The following ARL15 variants were observed in gnomAD, a reference collection of about 807,000 sequenced individuals.
ARL15 encodes ADP-ribosylation factor-like protein 15.
In ARL15, 19 loss-of-function variants were observed where a neutral mutation model predicts 25.2. The ratio of observed to expected loss-of-function variants is 0.75; its 90% CI spans 0.53 to 1.10. The LOEUF is 1.10. Among genes scored for constraint, ARL15 ranks in the 50% least tolerant of loss-of-function variants. The probability of loss-of-function intolerance (pLI) is 0.00; values close to 1 mark genes in which losing one functional copy is unlikely to be tolerated. For synonymous variants in ARL15, 94 were observed against 86.8 expected, an observed-to-expected ratio of 1.08 and a Z score of -0.46; for missense variants, 220 against 246.0, an observed-to-expected ratio of 0.89 and a Z score of 0.71.
chr5:54,200,941 A>G (rs1290300714), intron 1 of ARL15, among the ~76,000 whole-genome samples: 1 of 152,156 alleles, frequency 6.6e-6, no homozygotes, highest in African/African-American at 2.4e-5. Flanking sequence ...TTCTCAACTA[A>G]TCGGATTTAC....
chr5:54,239,397 T>G (rs1199896424), intron 1 of ARL15, among the ~76,000 whole-genome samples: 1 of 152,208 alleles, frequency 6.6e-6, no homozygotes, highest in Non-Finnish European at 1.5e-5. Context: ...GTAGCTAAGA[T>G]GATACACTTA....
intron 1 of ARL15, among the ~76,000 whole-genome samples, chr5:54,260,660 C>T (rs1035329316): frequency 2.6e-5 from 4 of 152,144 alleles, no homozygotes; most frequent in Non-Finnish European, 5.9e-5. Context: ...TTATATAATG[C>T]ATATTTTTCC....
Position 54,014,061 on chromosome 5 carries a change from AC to A in ARL15, c.462+99140del, listed in dbSNP as rs1749330309. Among the ~76,000 whole-genome samples, 3 of 152,294 alleles carry A rather than the reference AC, an allele frequency of 2.0e-5. No individual in the cohort carries two copies. In the South Asian group the frequency reaches 6.2e-4, roughly 32 times the overall value. On this transcript the variant is annotated intron_variant, in intron 4 of 4. Coordinates refer to ENST00000504924, the MANE Select transcript of ARL15 (RefSeq NM_019087.3). Reference sequence around the variant, plus strand: ...AATCTGAAATATTTCAAAATCTGAAACTTTTTGAGTGCTGACATGACACTCA... The same window carrying A: ...AATCTGAAATATTTCAAAATCTGAAATTTTTGAGTGCTGACATGACACTCA...
chr5:53,887,934 CATATAAGCCAGAAGACATAT>C lies in ARL15; in HGVS notation c.463-1241_463-1222del, dbSNP rs1310131445. The stretch of plus-strand genomic sequence containing the variant: ...GTATTAATATGTTTGTACATTTTTT[CATATAAGCCAGAAGACATAT>C]ATATCTATATATAAGAAATACTAAG... On this transcript the variant is annotated intron_variant, in intron 4 of 4. Transcript: ENST00000504924. Among the ~76,000 whole-genome samples the C allele has an allele frequency of 2.0e-3, 308 of 152,158 alleles. 2 individuals are homozygous for C. The highest frequency in any genetic ancestry group is 7.2e-3 in the African/African-American group (299 of 41,536).
intron 4 of ARL15, among the ~76,000 whole-genome samples, chr5:53,979,851 G>C (rs986086608): frequency 1.2e-4 from 15 of 127,818 alleles, no homozygotes; most frequent in African/African-American, 4.9e-4. Context: ...GTGTGTGTGT[G>C]TGTGTGTGTG....
chr5:54,158,657 G>A (rs373585523), intron 2 of ARL15, among the ~76,000 whole-genome samples: 4 of 152,104 alleles, frequency 2.6e-5, no homozygotes, highest in African/African-American at 7.2e-5. Flanking sequence ...GGTGGATCAC[G>A]AGGTCAGGAG....
chr5:54,030,710 C>A (rs1749953176), intron 4 of ARL15, among the ~76,000 whole-genome samples: 1 of 152,128 alleles, frequency 6.6e-6, no homozygotes, highest in African/African-American at 2.4e-5. Flanking sequence ...ATTACATAAA[C>A]TCTTGAGTTG....
At chr5:53,999,290 T>C (rs1167665190) in intron 4 of ARL15, among the ~76,000 whole-genome samples, 2 of 152,094 alleles carry the variant, frequency 1.3e-5, no homozygotes, top group Admixed American at 1.3e-4. Context: ...AAAAGAAATG[T>C]TCAAAAATAA....
Position 53,993,248 on chromosome 5 carries a change from T to C in ARL15, c.463-106535A>G, listed in dbSNP as rs144584172. ...CTTGGAACCAAACTGTTAACTCTCT[T>C]CTTTCCTTTGAGCATAGCCTATTTA... is the stretch of plus-strand genomic sequence containing the variant. On this transcript the variant is annotated intron_variant, in intron 4 of 4. Transcript: ENST00000504924. 1.1e-3 allele frequency among the ~76,000 whole-genome samples: 168 copies of C among 152,268 alleles called. 1 individual carries two copies. The highest frequency in any genetic ancestry group is 3.8e-3 in the African/African-American group (157 of 41,574).
intron 4 of ARL15, among the ~76,000 whole-genome samples, chr5:54,017,800 CTCCCT>C (rs957172343): frequency 1.3e-5 from 2 of 152,004 alleles, no homozygotes; most frequent in Non-Finnish European, 2.9e-5. Context: ...CTTGTTCTTG[CTCCCT>C]TCCCCAGAAC....
At chr5:54,228,904 A>G (rs186748344) in intron 1 of ARL15, among the ~76,000 whole-genome samples, 13 of 152,342 alleles carry the variant, frequency 8.5e-5, no homozygotes, top group African/African-American at 2.6e-4. Context: ...AGCACCAAAC[A>G]TAGCATCCCT....
intron 3 of ARL15, among the ~76,000 whole-genome samples, chr5:54,136,207 T>A (rs990063977): frequency 3.9e-5 from 6 of 152,176 alleles, no homozygotes; most frequent in African/African-American, 9.7e-5. Context: ...GCAAAAAAAA[T>A]TTTAAAAATG....
At chr5:54,068,963 T>C (rs1261798524) in intron 4 of ARL15, among the ~76,000 whole-genome samples, 3 of 152,222 alleles carry the variant, frequency 2.0e-5, no homozygotes, top group South Asian at 2.1e-4. Context: ...CCTAATACGA[T>C]ACACATGCTT....
At chr5:53,976,581 C>A (rs896339479) in intron 4 of ARL15, among the ~76,000 whole-genome samples, 1 of 152,202 alleles carries the variant, frequency 6.6e-6, no homozygotes, top group Non-Finnish European at 1.5e-5. Context: ...TGGCAAGCAG[C>A]CCCAAACCGT....
At position 53,918,299 on chromosome 5, in the gene ARL15, C is replaced by T. The variant is rs374770586; in HGVS notation, c.463-31586G>A. ...ATCCTGCGCTGAAGCAATACTCCTG[C>T]CCCAGCCTCCTGAGTAGCTGGGACA... is the stretch of plus-strand genomic sequence containing the variant. On this transcript the variant is annotated intron_variant, in intron 4 of 4. Coordinates refer to ENST00000504924, the MANE Select transcript of ARL15 (RefSeq NM_019087.3). Among the ~76,000 whole-genome samples the T allele has an allele frequency of 2.2e-4, 34 of 152,244 alleles. 1 individual carries two copies. The South Asian group carries it at 5.8e-3, about 26-fold the overall frequency.
intron 4 of ARL15, among the ~76,000 whole-genome samples, chr5:54,111,208 T>C (rs565304091): frequency 2.0e-5 from 3 of 152,128 alleles, no homozygotes; most frequent in South Asian, 4.1e-4. Context: ...AGCAAAAGTT[T>C]TGAGAAAAGT....
chr5:54,080,972 A>G (rs1751779839), intron 4 of ARL15, among the ~76,000 whole-genome samples: 1 of 152,130 alleles, frequency 6.6e-6, no homozygotes, highest in African/African-American at 2.4e-5. Context: ...CGTAGGGAAA[A>G]AGAGAGCTCT....
At chr5:54,186,663 T>C (rs1716609076) in intron 1 of ARL15, among the ~76,000 whole-genome samples, 1 of 152,224 alleles carries the variant, frequency 6.6e-6, no homozygotes, top group Admixed American at 6.5e-5. Context: ...ACTTAATTTA[T>C]ATTACTAATC....
At chr5:54,199,114 A>G (rs917963126) in intron 1 of ARL15, among the ~76,000 whole-genome samples, 3 of 152,180 alleles carry the variant, frequency 2.0e-5, no homozygotes, top group Admixed American at 6.5e-5. Context: ...CTGAAACTGG[A>G]TCCCTTCCTT....
Sources: gnomAD v4.1 joint callset for allele counts (sites outside exome capture counted in the v4.1 genomes callset) on GRCh38, gnomAD v4.1.1 for gene constraint, MANE v1.5 for transcripts, NCBI Gene and HGNC (gene_info 2026-07-23, HGNC 2026-07-21) for gene names.